The following STARD3NL variants were observed in gnomAD, a reference collection of about 807,000 sequenced individuals.
The protein encoded by STARD3NL is STARD3 N-terminal-like protein.
STARD3NL carries 17 observed loss-of-function variants against 30.9 expected under a neutral mutation model. The ratio of observed to expected loss-of-function variants is 0.55; its 90% CI spans 0.38 to 0.82. The LOEUF (loss-of-function observed/expected upper bound fraction) is 0.82, where lower values mean the gene tolerates loss of function less well. STARD3NL is among the 40% of genes least tolerant of loss of function. STARD3NL has a pLI of 0.00. For synonymous variants in STARD3NL, 112 were observed against 100.5 expected, an observed-to-expected ratio of 1.11 and a Z score of -0.69; for missense variants, 234 against 277.6, an observed-to-expected ratio of 0.84 and a Z score of 1.12.
Position 38,207,691 on chromosome 7 carries a change from C to A in STARD3NL, c.187C>A (p.Leu63Ile). 1.2e-6 allele frequency: 2 copies of A among 1,614,060 alleles called. No individual in the cohort carries two copies. The highest frequency in any genetic ancestry group is 1.7e-6 in the Non-Finnish European group (2 of 1,179,952). ...TTTCTGTTTGTTTGTCACCTTTGACCTCTTATTCGTAACATTACTGTGGAT... is the reference window on the plus strand; with the variant it reads ...TTTCTGTTTGTTTGTCACCTTTGACATCTTATTCGTAACATTACTGTGGAT... ...RTFCLFVTFDLLFVTLLWIIE... is the reference protein window; with the variant it reads ...RTFCLFVTFDILFVTLLWIIE... The change falls in exon 2 of 9, where the codon CTC becomes ATC. Residue 63 changes from leucine (L) to isoleucine (I), a missense_variant. Coordinates refer to ENST00000009041, the MANE Select transcript of STARD3NL (RefSeq NM_032016.4).
intron 4 of STARD3NL, chr7:38,216,248 T>C (rs1786104743): frequency 6.6e-6 from 1 of 152,236 alleles, no homozygotes; most frequent in African/African-American, 2.4e-5. Flanking sequence ...ATCTTCAATA[T>C]CTGCTTTCAG....
rs150328747 is a variant in STARD3NL at position 38,192,861 on chromosome 7, G to A, written c.-59+14441G>A. Among the ~76,000 whole-genome samples the A allele has an allele frequency of 1.5e-3, 209 of 142,168 alleles. 1 individual carries two copies. The East Asian group carries it at 0.025, about 17-fold the overall frequency. The allele number at this position is 142,168 out of a possible 152,430, so 93.3% of individuals were successfully genotyped here. A position where few individuals can be genotyped will look rare whatever the true frequency, so the allele number is the denominator to read the frequency against. On this transcript the variant is annotated intron_variant, in intron 1 of 8. Coordinates refer to ENST00000009041, the MANE Select transcript of STARD3NL (RefSeq NM_032016.4). Reference sequence around the variant, plus strand: ...CACATATAGCCCCTGAAGATCGGGCGCACACTCCTCTCCTGTTTGTTCTCC... The same window carrying A: ...CACATATAGCCCCTGAAGATCGGGCACACACTCCTCTCCTGTTTGTTCTCC...
intron 1 of STARD3NL, among the ~76,000 whole-genome samples, chr7:38,187,037 A>AG (rs1784489766): frequency 6.6e-6 from 1 of 151,420 alleles, no homozygotes. Context: ...AAAAAAAAAA[A>AG]GAGAAACAAA....
At chr7:38,212,393 C>G (rs775373649) in intron 2 of STARD3NL, among the ~76,000 whole-genome samples, 1 of 152,144 alleles carries the variant, frequency 6.6e-6, no homozygotes, top group Non-Finnish European at 1.5e-5. Flanking sequence ...TAGAATTCAA[C>G]TTCTTATTTT....
At chr7:38,182,361 CAAATA>C (rs1046718430) in intron 1 of STARD3NL, among the ~76,000 whole-genome samples, 5 of 152,154 alleles carry the variant, frequency 3.3e-5, no homozygotes, top group Non-Finnish European at 7.3e-5. Flanking sequence ...CACACTGTCA[CAAATA>C]AAATCAGTGT....
chr7:38,193,118 T>C (rs570706589), intron 1 of STARD3NL, among the ~76,000 whole-genome samples: 1 of 152,292 alleles, frequency 6.6e-6, no homozygotes, highest in South Asian at 2.1e-4. Context: ...ATTATGCAAG[T>C]TCCCCCTGCC....
Position 38,214,378 on chromosome 7 carries a change from A to C in STARD3NL, c.247A>C (p.Thr83Pro). The change falls in exon 3 of 9, where the codon ACA becomes CCA. Residue 83 changes from threonine (T) to proline (P), a missense_variant. Thr to Pro is a conservative substitution (Grantham distance 38). Transcript: ENST00000009041. Reference sequence around the variant, plus strand: ...CTAGGTGAATGGAGGCATTGAGAACACATTAGAGAAGGAGGTGATGCAGTA... The same window carrying C: ...CTAGGTGAATGGAGGCATTGAGAACCCATTAGAGAAGGAGGTGATGCAGTA... ...ELNVNGGIEN[T>P]LEKEVMQYDY... The C allele has an allele frequency of 6.2e-7, 1 of 1,607,634 alleles. No homozygotes were observed. Among genetic ancestry groups the C allele is most frequent in the Non-Finnish European group, 8.5e-7 (1 of 1,175,330 alleles).
At chr7:38,214,521 C>G in intron 3 of STARD3NL, 87 bp downstream of exon 3, 1 of 744,390 alleles carries the variant, frequency 1.3e-6, no homozygotes, top group South Asian at 1.8e-5. Flanking sequence ...ATTCCATGCC[C>G]TTTTTTCCTC....
intron 4 of STARD3NL, chr7:38,215,368 A>G: frequency 2.1e-6 from 1 of 479,104 alleles, no homozygotes; most frequent in Non-Finnish European, 3.7e-6. Context: ...CCAAGCACCA[A>G]GCCACCCTCT....
At chr7:38,208,932 A>G (rs1166678552) in intron 2 of STARD3NL, among the ~76,000 whole-genome samples, 1 of 152,240 alleles carries the variant, frequency 6.6e-6, no homozygotes, top group East Asian at 1.9e-4. Context: ...AGGGTCACTG[A>G]ATCTCATTTA....
Position 38,230,569 on chromosome 7 carries a change from A to G in STARD3NL, c.*664A>G, listed in dbSNP as rs1313243063. 4 of 152,218 alleles carry G rather than the reference A, an allele frequency of 2.6e-5. No individual in the cohort carries two copies. The highest frequency in any genetic ancestry group is 5.9e-5 in the Non-Finnish European group (4 of 68,044). 9.4% of individuals were successfully genotyped at this position (152,218 alleles called of 1,614,324 possible). ...CATGTTTTTCTCTGATTGTTCTGAA[A>G]TGTTCTAAATACTCTTATTTTGAAT... On this transcript the variant is annotated 3_prime_UTR_variant, in exon 9 of 9. Coordinates refer to ENST00000009041, the MANE Select transcript of STARD3NL (RefSeq NM_032016.4).
chr7:38,213,120 T>C (rs1785903704), intron 2 of STARD3NL, among the ~76,000 whole-genome samples: 1 of 152,166 alleles, frequency 6.6e-6, no homozygotes, highest in South Asian at 2.1e-4. Context: ...CTCTATGTGG[T>C]AGAGAACTCC....
intron 1 of STARD3NL, among the ~76,000 whole-genome samples, chr7:38,184,142 A>G (rs927093130): frequency 5.3e-5 from 8 of 152,202 alleles, no homozygotes; most frequent in Non-Finnish European, 2.9e-5. Context: ...TGGGATATAT[A>G]TTATACATAC....
At chr7:38,183,001 ATTC>A (rs1269169408) in intron 1 of STARD3NL, among the ~76,000 whole-genome samples, 1 of 152,172 alleles carries the variant, frequency 6.6e-6, no homozygotes, top group African/African-American at 2.4e-5. Flanking sequence ...ACCAAAGTAT[ATTC>A]TTGTTTGCTT....
chr7:38,180,149 C>A (rs192942989), intron 1 of STARD3NL, among the ~76,000 whole-genome samples: 3 of 152,320 alleles, frequency 2.0e-5, no homozygotes, highest in East Asian at 1.9e-4. Flanking sequence ...CTCTAGCCAA[C>A]TTTCTGCTTT....
intron 1 of STARD3NL, among the ~76,000 whole-genome samples, chr7:38,184,658 G>GTATATAATATATACTATATATATAA (rs2115922229): frequency 7.1e-6 from 1 of 139,914 alleles, no homozygotes; most frequent in African/African-American, 2.7e-5. Flanking sequence ...AACCGATATA[G>GTATATAATATATACTATATATATAA]TATATAATAT....
At chr7:38,195,144 G>T (rs1382856611) in intron 1 of STARD3NL, among the ~76,000 whole-genome samples, 1 of 152,080 alleles carries the variant, frequency 6.6e-6, no homozygotes, top group African/African-American at 2.4e-5. Flanking sequence ...TGCAACCTCT[G>T]CCTCCCTGTT....
intron 2 of STARD3NL, among the ~76,000 whole-genome samples, chr7:38,208,790 C>A (rs989433926): frequency 6.6e-6 from 1 of 152,148 alleles, no homozygotes; most frequent in African/African-American, 2.4e-5. Flanking sequence ...TGAAAAGATG[C>A]TGAGATTCCT....
At chr7:38,191,970 A>G (rs1784704642) in intron 1 of STARD3NL, among the ~76,000 whole-genome samples, 1 of 152,046 alleles carries the variant, frequency 6.6e-6, no homozygotes, top group African/African-American at 2.4e-5. Context: ...GATCAGTTTG[A>G]GGAGAATTGA....
Sources: allele counts gnomAD v4.1 joint callset (sites outside exome capture counted in the v4.1 genomes callset), GRCh38; gene constraint gnomAD v4.1.1; transcripts MANE v1.5; gene names NCBI Gene and HGNC (gene_info 2026-07-23, HGNC 2026-07-21).